PRKCE: variants seen among roughly 807,000 people sequenced by gnomAD.
The protein encoded by PRKCE is protein kinase C epsilon, also known as protein kinase C epsilon type.
A neutral mutation model predicts 85.4 loss-of-function variants in PRKCE; 16 were observed. The observed-to-expected ratio is 0.19, with a 90% confidence interval of 0.13 to 0.28. The LOEUF (loss-of-function observed/expected upper bound fraction) is 0.28, where lower values mean the gene tolerates loss of function less well. Ranked by LOEUF, PRKCE falls within the 10% of genes least tolerant of loss-of-function variation. The pLI is 1.00. For synonymous variants in PRKCE, 388 were observed against 371.5 expected, an observed-to-expected ratio of 1.04 and a Z score of -0.51; for missense variants, 573 against 975.2, an observed-to-expected ratio of 0.59 and a Z score of 5.49.
chr2:46,116,538 G>A lies in PRKCE; in HGVS notation c.1593-28555G>A, dbSNP rs565323428. Among the ~76,000 whole-genome samples, 27 of 152,314 alleles carry A rather than the reference G, an allele frequency of 1.8e-4. No individual in the cohort carries two copies. In the Middle Eastern group the frequency reaches 0.01, roughly 58 times the overall value. On this transcript the variant is annotated intron_variant, in intron 11 of 14. Transcript: ENST00000306156. ...GAGGAAATCAGAAGGCTGGGTTACCGTGAGTATGTGCTCCCCACCTCTACT... is the reference window on the plus strand; with the variant it reads ...GAGGAAATCAGAAGGCTGGGTTACCATGAGTATGTGCTCCCCACCTCTACT...
chr2:46,176,473 A>G (rs1232769079), intron 14 of PRKCE, among the ~76,000 whole-genome samples: 1 of 152,176 alleles, frequency 6.6e-6, no homozygotes, highest in Non-Finnish European at 1.5e-5. Context: ...CAGTATTCAG[A>G]AACTGGGAAA....
intron 2 of PRKCE, among the ~76,000 whole-genome samples, chr2:45,913,777 G>T (rs1697552138): frequency 6.6e-6 from 1 of 152,204 alleles, no homozygotes; most frequent in Non-Finnish European, 1.5e-5. Flanking sequence ...TGCCATCCAG[G>T]TGTCTAGTGT....
At chr2:45,969,790 C>G (rs186066124) in intron 2 of PRKCE, among the ~76,000 whole-genome samples, 1 of 152,338 alleles carries the variant, frequency 6.6e-6, no homozygotes, top group African/African-American at 2.4e-5. Context: ...GAGCGCCGTT[C>G]TTACGTTATC....
rs146656018 is a variant in PRKCE at position 45,946,782 on chromosome 2, G to T, written c.413-29647G>T. The stretch of plus-strand genomic sequence containing the variant: ...TGGAAAGAAAGTATCAATAAACATG[G>T]GTGTGACCATGTTCTGGAACAGTTC... On this transcript the variant is annotated intron_variant, in intron 2 of 14. Coordinates refer to ENST00000306156, the MANE Select transcript of PRKCE (RefSeq NM_005400.3). Among the ~76,000 whole-genome samples, 347 of 152,318 alleles carry T rather than the reference G, an allele frequency of 2.3e-3. 3 individuals carry two copies. Among genetic ancestry groups the T allele is most frequent in the African/African-American group, 7.8e-3 (323 of 41,558 alleles).
chr2:45,697,062 A>G lies in PRKCE; in HGVS notation c.348+44614A>G, dbSNP rs1195786436. Among the ~76,000 whole-genome samples the G allele has an allele frequency of 6.6e-6, 1 of 152,188 alleles. No homozygotes were observed. Among genetic ancestry groups the G allele is most frequent in the Non-Finnish European group, 1.5e-5 (1 of 68,034 alleles). On this transcript the variant is annotated intron_variant, in intron 1 of 14. Coordinates refer to ENST00000306156, the MANE Select transcript of PRKCE (RefSeq NM_005400.3). The surrounding 1 kb of genome is among the most constrained non-coding windows in gnomAD (Gnocchi z 4.2). ...GCTGAAAGCAAACCTTTTTGTGACT[A>G]CATTAATGTCCATGGTAATATTAAA...
Position 46,139,816 on chromosome 2 carries a change from T to C in PRKCE, c.1593-5277T>C, listed in dbSNP as rs199722265. The stretch of plus-strand genomic sequence containing the variant: ...TTCCTTTTAAGGAGACTTCCACATA[T>C]CTGATTGCCTAGAACCTAGTCACAT... On this transcript the variant is annotated intron_variant, in intron 11 of 14. Transcript: ENST00000306156. The surrounding 1 kb of genome is among the most constrained non-coding windows in gnomAD (Gnocchi z 5.2). Among the ~76,000 whole-genome samples the C allele has an allele frequency of 7.0e-4, 107 of 152,138 alleles. No individual in the cohort carries two copies. In the East Asian group the frequency reaches 0.017, roughly 24 times the overall value.
At chr2:45,785,358 G>A (rs1686515129) in intron 1 of PRKCE, among the ~76,000 whole-genome samples, 1 of 152,058 alleles carries the variant, frequency 6.6e-6, no homozygotes, top group South Asian at 2.1e-4. Context: ...GGGTGTGGTG[G>A]TACACACCTG....
At position 46,136,126 on chromosome 2, in the gene PRKCE, T is replaced by C. The variant is rs185016873; in HGVS notation, c.1593-8967T>C. The stretch of plus-strand genomic sequence containing the variant: ...GACATGAAGTAATTTTTCTAATCTC[T>C]TATCTTCAAGTAACTGGAGGAATTT... On this transcript the variant is annotated intron_variant, in intron 11 of 14. Transcript: ENST00000306156. Among the ~76,000 whole-genome samples the C allele has an allele frequency of 9.2e-5, 14 of 152,284 alleles. No individual in the cohort carries two copies. The East Asian group carries it at 1.7e-3, about 19-fold the overall frequency.
chr2:46,174,706 T>A (rs936211132), intron 14 of PRKCE, among the ~76,000 whole-genome samples: 2 of 152,118 alleles, frequency 1.3e-5, no homozygotes, highest in Admixed American at 1.3e-4. Context: ...TAATTTTTTT[T>A]GAGATAAGAT....
At chr2:45,820,793 A>G (rs1036752322) in intron 1 of PRKCE, among the ~76,000 whole-genome samples, 1 of 152,096 alleles carries the variant, frequency 6.6e-6, no homozygotes, top group South Asian at 2.1e-4. Flanking sequence ...TTGTCCCTGC[A>G]AGAGTTTACA....
intron 2 of PRKCE, among the ~76,000 whole-genome samples, chr2:45,944,375 G>A (rs1310751766): frequency 2.0e-5 from 3 of 152,086 alleles, no homozygotes; most frequent in East Asian, 3.8e-4. Context: ...AGTATCTAAG[G>A]CACAGCTCAG....
At chr2:45,809,917 G>A (rs1688534400) in intron 1 of PRKCE, among the ~76,000 whole-genome samples, 1 of 151,922 alleles carries the variant, frequency 6.6e-6, no homozygotes, top group Non-Finnish European at 1.5e-5. Flanking sequence ...CCCAAGGAGG[G>A]CATGGCTCTC....
chr2:45,791,316 G>T (rs960892187), intron 1 of PRKCE, among the ~76,000 whole-genome samples: 2 of 152,214 alleles, frequency 1.3e-5, no homozygotes, highest in Non-Finnish European at 2.9e-5. Flanking sequence ...GGAAAAGACT[G>T]TAAGGCAAGC....
Position 45,894,692 on chromosome 2 carries a change from T to G in PRKCE, c.412+51629T>G, listed in dbSNP as rs113284999. Among the ~76,000 whole-genome samples, 1,434 of 152,176 alleles carry G rather than the reference T, an allele frequency of 9.4e-3. 24 individuals are homozygous for G. Among genetic ancestry groups the G allele is most frequent in the African/African-American group, 0.032 (1,333 of 41,496 alleles). On this transcript the variant is annotated intron_variant, in intron 2 of 14. Transcript: ENST00000306156. ...TAGTTCCCTTCCACTTCCTCTAAAG[T>G]AGAAGAAAGTTATGTGTTTTGCCTT...
At chr2:46,062,302 T>C (rs908276594) in intron 10 of PRKCE, among the ~76,000 whole-genome samples, 3 of 152,174 alleles carry the variant, frequency 2.0e-5, no homozygotes, top group Non-Finnish European at 4.4e-5. Context: ...AGAAACAAAA[T>C]CTGGCCCGGT....
intron 1 of PRKCE, among the ~76,000 whole-genome samples, chr2:45,718,976 A>G (rs1012852610): frequency 9.9e-5 from 15 of 152,276 alleles, no homozygotes; most frequent in Admixed American, 9.8e-4. Flanking sequence ...ATATGCTAAT[A>G]TAGGCTAAAA....
chr2:45,791,723 G>A (rs1347329779), intron 1 of PRKCE, among the ~76,000 whole-genome samples: 1 of 152,172 alleles, frequency 6.6e-6, no homozygotes, highest in African/African-American at 2.4e-5. Context: ...TTGATGCTGG[G>A]TTAATGCGCT....
intron 10 of PRKCE, among the ~76,000 whole-genome samples, chr2:46,027,783 T>A (rs1442599491): frequency 2.6e-5 from 4 of 152,174 alleles, no homozygotes; most frequent in Non-Finnish European, 5.9e-5. Context: ...TGGTGACTGG[T>A]CCCATGGCCT....
At chr2:45,761,949 T>G (rs1052535186) in intron 1 of PRKCE, among the ~76,000 whole-genome samples, 1 of 152,056 alleles carries the variant, frequency 6.6e-6, no homozygotes, top group Non-Finnish European at 1.5e-5. Flanking sequence ...ACCCAGCAAG[T>G]TCCTGCTTCC....
Sources: allele counts gnomAD v4.1 joint callset (sites outside exome capture counted in the v4.1 genomes callset), GRCh38; gene constraint gnomAD v4.1.1; non-coding constraint Gnocchi (gnomAD v3.1); transcripts MANE v1.5; gene names NCBI Gene and HGNC (gene_info 2026-07-23, HGNC 2026-07-21).